The following ZMIZ1 variants were observed in gnomAD, a reference collection of about 807,000 sequenced individuals.
ZMIZ1 encodes zinc finger MIZ-type containing 1, also known as zinc finger MIZ domain-containing protein 1.
A neutral mutation model predicts 113.9 loss-of-function variants in ZMIZ1; 17 were observed. The observed-to-expected ratio is 0.15, with a 90% CI of 0.10 to 0.22. The LOEUF (loss-of-function observed/expected upper bound fraction) is 0.22. ZMIZ1 is among the 10% of genes least tolerant of loss of function. ZMIZ1 has a pLI of 1.00. For synonymous variants in ZMIZ1, 607 were observed against 603.1 expected (o/e 1.01, Z -0.09); for missense variants, 1,059 against 1,477.8 (o/e 0.72, Z 4.65).
At chr10:79,151,917 G>A (rs1215821551) in intron 3 of ZMIZ1, among the ~76,000 whole-genome samples, 1 of 152,294 alleles carries the variant, frequency 6.6e-6, no homozygotes, top group East Asian at 1.9e-4. Context: ...ATCTGGCTGC[G>A]TGCTGTGCTG....
intron 7 of ZMIZ1, among the ~76,000 whole-genome samples, chr10:79,231,304 A>G (rs995355131): frequency 2.8e-4 from 43 of 151,938 alleles, no homozygotes; most frequent in African/African-American, 1.0e-3. Context: ...CTGGAGTGCA[A>G]TGGCGCGATC....
intron 7 of ZMIZ1, among the ~76,000 whole-genome samples, chr10:79,237,729 A>T (rs1570848): frequency 0.31 from 47,237 of 152,076 alleles, 7,576 homozygotes; most frequent in East Asian, 0.56. Flanking sequence ...CCAAATAAAG[A>T]CACATTCACA....
chr10:79,232,493 G>A (rs749255208), intron 7 of ZMIZ1, among the ~76,000 whole-genome samples: 27 of 152,236 alleles, frequency 1.8e-4, no homozygotes, highest in Non-Finnish European at 2.1e-4. Flanking sequence ...TGACATGAAT[G>A]TCAGAGTGTA....
chr10:79,175,628 G>A (rs1386607210), intron 4 of ZMIZ1, among the ~76,000 whole-genome samples: 1 of 108,274 alleles, frequency 9.2e-6, no homozygotes. Flanking sequence ...GTGTGTGTGT[G>A]TGGAGGTTTT....
chr10:79,292,461 G>A (rs1659950173), intron 11 of ZMIZ1, 105 bp downstream of exon 11: 2 of 1,459,260 alleles, frequency 1.4e-6, no homozygotes. Context: ...CATGTGTGCT[G>A]GGAGAGCTGA....
At chr10:79,302,681 C>CTTTTTTTTTTTT (rs758621365) in intron 18 of ZMIZ1, among the ~76,000 whole-genome samples, 3 of 41,786 alleles carry the variant, frequency 7.2e-5, no homozygotes, top group African/African-American at 2.6e-4. Flanking sequence ...ACAGCTCATG[C>CTTTTTTTTTTTT]TTTTTTTTTT....
intron 6 of ZMIZ1, among the ~76,000 whole-genome samples, chr10:79,211,830 C>G (rs547322213): frequency 6.6e-6 from 1 of 152,220 alleles, no homozygotes; most frequent in South Asian, 2.1e-4. Context: ...CTCTCCCTCC[C>G]GTGGGCTTAG....
chr10:79,258,607 TTGTCATGCGTAG>T (rs1282164826), intron 7 of ZMIZ1, among the ~76,000 whole-genome samples: 1 of 152,200 alleles, frequency 6.6e-6, no homozygotes, highest in Non-Finnish European at 1.5e-5. Context: ...TGGTTGGTGA[TTGTCATGCGTAG>T]GGTCTCAGTT....
At chr10:79,264,737 G>A (rs1016019630) in intron 7 of ZMIZ1, among the ~76,000 whole-genome samples, 3 of 152,200 alleles carry the variant, frequency 2.0e-5, no homozygotes, top group African/African-American at 7.2e-5. Flanking sequence ...CCCCTCACAA[G>A]GGCACAGTAC....
rs548114714 is a variant in ZMIZ1, at chr10:79,118,725, C to T, written c.-336-190C>T. ...GCCGGTGCTGGGGCTTCGAATGTGA[C>T]GTTCAGGAGCTGCGACCTTTATTTG... is the stretch of plus-strand genomic sequence containing the variant. On this transcript the variant is annotated intron_variant, in intron 1 of 24. Coordinates refer to ENST00000334512, the MANE Select transcript of ZMIZ1 (RefSeq NM_020338.4). This position sits in a 1 kb window ranked among gnomAD's most constrained non-coding sequence, Gnocchi z 4.1. Among the ~76,000 whole-genome samples the T allele has an allele frequency of 5.3e-5, 8 of 152,290 alleles. No homozygotes were observed. In the East Asian group the frequency reaches 9.7e-4, roughly 18 times the overall value.
intron 4 of ZMIZ1, among the ~76,000 whole-genome samples, chr10:79,168,330 A>G (rs1462180257): frequency 6.6e-6 from 1 of 152,194 alleles, no homozygotes; most frequent in Non-Finnish European, 1.5e-5. Flanking sequence ...GTACTGAGCC[A>G]ACAGCCCCCC....
chr10:79,293,553 C>T lies in ZMIZ1; in HGVS notation c.1130C>T (p.Pro377Leu). ...MNQPRPPGIS[P>L]FGTHGQRMPQ... ...CAGCCCCGGCCGCCCGGCATCAGCC[C>T]CTTTGGCACACACGGGCAGCGGATG... Residue 377 changes from proline to leucine, a missense_variant, in exon 12 of 25, where the codon CCC becomes CTC. Coordinates refer to ENST00000334512, the MANE Select transcript of ZMIZ1 (RefSeq NM_020338.4). 1 of 1,612,918 alleles carries T rather than the reference C, an allele frequency of 6.2e-7. No homozygotes were observed. The highest frequency in any genetic ancestry group is 8.5e-7 in the Non-Finnish European group (1 of 1,179,924).
At chr10:79,145,693 G>A (rs887741196) in intron 3 of ZMIZ1, among the ~76,000 whole-genome samples, 6 of 152,294 alleles carry the variant, frequency 3.9e-5, no homozygotes, top group African/African-American at 7.2e-5. Flanking sequence ...GGGCTTTAGC[G>A]GAGGGAGGGG....
At chr10:79,095,181 G>C (rs79357024) in intron 1 of ZMIZ1, among the ~76,000 whole-genome samples, 1 of 152,050 alleles carries the variant, frequency 6.6e-6, no homozygotes, top group African/African-American at 2.4e-5. Context: ...AAGTGGGAAC[G>C]ATTAAGGTTG....
At position 79,313,999 on chromosome 10, in the gene ZMIZ1, C is replaced by T; in HGVS notation, c.*1250C>T. 1 of 455,162 alleles carries T rather than the reference C, an allele frequency of 2.2e-6. No individual in the cohort carries two copies. Among genetic ancestry groups the T allele is most frequent in the Non-Finnish European group, 4.4e-6 (1 of 226,466 alleles). The allele number at this position is 455,162 out of a possible 1,614,324, so 28.2% of individuals were successfully genotyped here. On this transcript the variant is annotated 3_prime_UTR_variant, in exon 25 of 25. Coordinates refer to ENST00000334512, the MANE Select transcript of ZMIZ1 (RefSeq NM_020338.4). ...GGACATGTGCACCAGTATGTACCTGCAGGCATGGGGGGGAGGGGGGCGTGT... is the reference window on the plus strand; with the variant it reads ...GGACATGTGCACCAGTATGTACCTGTAGGCATGGGGGGGAGGGGGGCGTGT...
chr10:79,201,885 G>T (rs1001281904), intron 5 of ZMIZ1, among the ~76,000 whole-genome samples, 193 bp downstream of exon 5: 1 of 151,952 alleles, frequency 6.6e-6, no homozygotes, highest in Non-Finnish European at 1.5e-5. Flanking sequence ...TGCCAATGCT[G>T]CCCTGTCCCT....
At chr10:79,284,514 C>T (rs1164767976) in intron 8 of ZMIZ1, among the ~76,000 whole-genome samples, 3 of 152,212 alleles carry the variant, frequency 2.0e-5, no homozygotes, top group African/African-American at 7.2e-5. Flanking sequence ...AGGCCACTTT[C>T]ATTGTATCCT....
intron 4 of ZMIZ1, among the ~76,000 whole-genome samples, chr10:79,186,766 A>G (rs924746486): frequency 6.6e-6 from 1 of 152,256 alleles, no homozygotes; most frequent in Non-Finnish European, 1.5e-5. Flanking sequence ...ATGAATGGTG[A>G]GAGTCCTGCT....
At chr10:79,277,052 C>T (rs1852336840) in intron 7 of ZMIZ1, 129 bp from the exon 8 acceptor site, 1 of 1,214,878 alleles carries the variant, frequency 8.2e-7, no homozygotes, top group Non-Finnish European at 1.1e-6. Flanking sequence ...AGTAAGTCTT[C>T]TGGCGTCACA....
Sources: gnomAD v4.1 joint callset for allele counts (sites outside exome capture counted in the v4.1 genomes callset) on GRCh38, gnomAD v4.1.1 for gene constraint, Gnocchi (gnomAD v3.1) non-coding constraint, MANE v1.5 for transcripts, NCBI Gene and HGNC (gene_info 2026-07-23, HGNC 2026-07-21) for gene names.